HHAT: variants seen among roughly 807,000 people sequenced by gnomAD.
The protein encoded by HHAT is hedgehog acyltransferase.
In HHAT, 47 loss-of-function variants were observed where a neutral mutation model predicts 70.8. The ratio of observed to expected loss-of-function variants is 0.66; its 90% CI spans 0.53 to 0.85. The LOEUF (loss-of-function observed/expected upper bound fraction) is 0.85, where lower values mean the gene tolerates loss of function less well. Among genes scored for constraint, HHAT ranks in the 40% least tolerant of loss-of-function variants. HHAT has a pLI of 0.00. For synonymous variants in HHAT, 228 were observed against 247.6 expected, an observed-to-expected ratio of 0.92 and a Z score of 0.74; for missense variants, 609 against 604.8, an observed-to-expected ratio of 1.01 and a Z score of -0.07.
At chr1:210,414,491 C>G (rs1322645423) in intron 6 of HHAT, among the ~76,000 whole-genome samples, 1 of 151,996 alleles carries the variant, frequency 6.6e-6, no homozygotes, top group South Asian at 2.1e-4. Context: ...CAAAAAAAAT[C>G]TAAGAGTGAA....
chr1:210,548,068 A>T (rs186952400), intron 9 of HHAT, among the ~76,000 whole-genome samples: 17 of 152,214 alleles, frequency 1.1e-4, no homozygotes, highest in African/African-American at 4.1e-4. Flanking sequence ...CTCTTATTTC[A>T]TACCCGACTA....
intron 7 of HHAT, among the ~76,000 whole-genome samples, chr1:210,447,599 C>A (rs1558534601): frequency 1.3e-5 from 2 of 152,150 alleles, no homozygotes. Context: ...GGAAAGATGT[C>A]CTGGTTCAGC....
At position 210,330,562 on chromosome 1, in the gene HHAT, A is replaced by AATTC. The variant is rs538448815; in HGVS notation, c.-44+1459_-44+1462dup. ...GATGGATGAACTTAGGGTGAAAGTC[A>AATTC]ATTCTTTGGAGGGAGCAGCCGTTTT... is the stretch of plus-strand genomic sequence containing the variant. On this transcript the variant is annotated intron_variant, in intron 1 of 11. Transcript: ENST00000261458. 1.8e-3 allele frequency among the ~76,000 whole-genome samples: 270 copies of AATTC among 152,172 alleles called. 1 individual carries two copies. The highest frequency in any genetic ancestry group is 2.9e-3 in the Non-Finnish European group (194 of 68,004).
At chr1:210,598,451 A>G (rs1295216047) in intron 10 of HHAT, among the ~76,000 whole-genome samples, 1 of 152,140 alleles carries the variant, frequency 6.6e-6, no homozygotes, top group African/African-American at 2.4e-5. Flanking sequence ...AAGTTTATTT[A>G]TGACCTTAGA....
chr1:210,643,863 GAT>G (rs1334173461), intron 11 of HHAT, among the ~76,000 whole-genome samples: 1 of 151,646 alleles, frequency 6.6e-6, no homozygotes, highest in Non-Finnish European at 1.5e-5. Flanking sequence ...GGTGGAAAAT[GAT>G]ATATTCATAT....
intron 11 of HHAT, among the ~76,000 whole-genome samples, chr1:210,653,779 G>C (rs1344795330): frequency 6.6e-6 from 1 of 150,480 alleles, no homozygotes; most frequent in Non-Finnish European, 1.5e-5. Context: ...AGTCATGCTG[G>C]AGGCCAGAGC....
chr1:210,329,736 T>C (rs1409756546), intron 1 of HHAT, among the ~76,000 whole-genome samples: 1 of 152,166 alleles, frequency 6.6e-6, no homozygotes, highest in African/African-American at 2.4e-5. Flanking sequence ...ATTGCTTCTC[T>C]TTCTGTTTTT....
At chr1:210,435,833 G>A (rs1157854277) in intron 7 of HHAT, among the ~76,000 whole-genome samples, 6 of 151,524 alleles carry the variant, frequency 4.0e-5, no homozygotes, top group Admixed American at 3.9e-4. Flanking sequence ...TTGCTGTCGA[G>A]TTGTTTGAGC....
chr1:210,374,020 C>T (rs563339471), intron 3 of HHAT: 2 of 152,340 alleles, frequency 1.3e-5, no homozygotes, highest in Admixed American at 1.3e-4. Context: ...AGACCTTTGA[C>T]ATGGAAAACA....
chr1:210,530,903 C>A (rs1351102794), intron 9 of HHAT, among the ~76,000 whole-genome samples: 1 of 152,110 alleles, frequency 6.6e-6, no homozygotes, highest in East Asian at 1.9e-4. Flanking sequence ...TAAACAGTCA[C>A]AATTTCTGTT....
At chr1:210,450,294 T>TGGGGG (rs11412055) in intron 7 of HHAT, among the ~76,000 whole-genome samples, 1 of 144,598 alleles carries the variant, frequency 6.9e-6, no homozygotes, top group Non-Finnish European at 1.5e-5. Flanking sequence ...GCGTCTCAGG[T>TGGGGG]GGGGGGGGTG....
chr1:210,404,818 T>C (rs2092261195), intron 6 of HHAT, 139 bp downstream of exon 6: 2 of 628,414 alleles, frequency 3.2e-6, no homozygotes, highest in East Asian at 5.5e-5. Flanking sequence ...TCTCATGAGG[T>C]TTTTTGTAAT....
intron 9 of HHAT, among the ~76,000 whole-genome samples, chr1:210,550,554 C>T (rs1455857793): frequency 6.7e-6 from 1 of 149,026 alleles, no homozygotes; most frequent in South Asian, 2.2e-4. Flanking sequence ...TGTTTTGACC[C>T]CCTTCTCTCC....
At chr1:210,452,170 T>C (rs958812748) in intron 7 of HHAT, among the ~76,000 whole-genome samples, 1 of 152,246 alleles carries the variant, frequency 6.6e-6, no homozygotes, top group East Asian at 1.9e-4. Flanking sequence ...AATTCATTAT[T>C]CTGATCCTTG....
At chr1:210,596,177 T>C (rs1425899651) in intron 10 of HHAT, among the ~76,000 whole-genome samples, 1 of 152,224 alleles carries the variant, frequency 6.6e-6, no homozygotes, top group Non-Finnish European at 1.5e-5. Context: ...CAGTTTCAGC[T>C]TTCTACATAT....
chr1:210,655,142 G>A (rs914986909), intron 11 of HHAT, among the ~76,000 whole-genome samples: 1 of 152,116 alleles, frequency 6.6e-6, no homozygotes, highest in South Asian at 2.1e-4. Flanking sequence ...CCCCTTCCCC[G>A]GAGGCCAACA....
intron 10 of HHAT, among the ~76,000 whole-genome samples, chr1:210,600,721 A>C (rs1007201107): frequency 6.6e-5 from 10 of 152,176 alleles, no homozygotes; most frequent in African/African-American, 2.4e-4. Flanking sequence ...ATTTCTGTTT[A>C]GCATTGAAAT....
intron 1 of HHAT, among the ~76,000 whole-genome samples, chr1:210,329,821 C>T (rs936563613): frequency 9.9e-5 from 15 of 152,214 alleles, no homozygotes; most frequent in African/African-American, 3.6e-4. Context: ...AATCTCAGCT[C>T]ACTGCAACCT....
chr1:210,411,749 A>C (rs2092563269), intron 6 of HHAT, among the ~76,000 whole-genome samples: 2 of 152,228 alleles, frequency 1.3e-5, no homozygotes, highest in South Asian at 4.2e-4. Context: ...CTGTGTCATA[A>C]AGAAAAGAGT....
Sources: allele counts gnomAD v4.1 joint callset (sites outside exome capture counted in the v4.1 genomes callset), GRCh38; gene constraint gnomAD v4.1.1; transcripts MANE v1.5; gene names NCBI Gene and HGNC (gene_info 2026-07-23, HGNC 2026-07-21).